Variants in WDTC1 observed in about 807,000 individuals in gnomAD.
WDTC1 encodes the protein WD and tetratricopeptide repeats 1.
A neutral mutation model predicts 76.0 loss-of-function variants in WDTC1; 12 were observed. The ratio of observed to expected loss-of-function variants is 0.16; its 90% CI spans 0.10 to 0.26. The LOEUF is 0.26. Among genes scored for constraint, WDTC1 ranks in the 10% least tolerant of loss-of-function variants. WDTC1 has a pLI of 1.00. For synonymous variants in WDTC1, 326 were observed against 350.8 expected (o/e 0.93, Z 0.79); for missense variants, 511 against 908.8 (o/e 0.56, Z 5.63).
chr1:27,283,318 A>G lies in WDTC1; in HGVS notation c.180-20A>G, dbSNP rs760550885. ...CCTAGGAATTTGAGGAGAGATCACA[A>G]TCCCTCACTCTGCTTTCAGCTTGCT... On this transcript the variant is annotated intron_variant, in intron 4 of 15. Coordinates refer to ENST00000319394, the MANE Select transcript of WDTC1 (RefSeq NM_001276252.2). 9 of 1,611,252 alleles carry G rather than the reference A, an allele frequency of 5.6e-6. No individual in the cohort carries two copies. The Admixed American group carries it at 6.7e-5, about 12-fold the overall frequency.
At chr1:27,270,899 A>AT (rs905690483) in intron 3 of WDTC1, among the ~76,000 whole-genome samples, 53 of 151,850 alleles carry the variant, frequency 3.5e-4, no homozygotes, top group African/African-American at 1.1e-3. Flanking sequence ...GAGCTTTTGA[A>AT]TTTTTTTTTA....
intron 1 of WDTC1, among the ~76,000 whole-genome samples, chr1:27,245,025 T>C (rs896761834): frequency 2.0e-5 from 3 of 149,868 alleles, no homozygotes; most frequent in African/African-American, 7.6e-5. Context: ...GAGAGCAAAA[T>C]GCCTCACTCA....
intron 12 of WDTC1, among the ~76,000 whole-genome samples, chr1:27,298,449 G>A (rs2013747871): frequency 6.6e-6 from 1 of 152,194 alleles, no homozygotes; most frequent in Admixed American, 6.5e-5. Context: ...TTGGAGAATT[G>A]GACTTTGAAG....
intron 3 of WDTC1, among the ~76,000 whole-genome samples, chr1:27,280,664 G>A (rs533035594): frequency 6.6e-6 from 1 of 152,272 alleles, no homozygotes; most frequent in Non-Finnish European, 1.5e-5. Context: ...ATTTTTTGTG[G>A]AGGCTTCATT....
intron 3 of WDTC1, 95 bp from the exon 4 acceptor site, chr1:27,282,144 G>T: frequency 8.2e-7 from 1 of 1,214,274 alleles, no homozygotes; most frequent in South Asian, 1.3e-5. Context: ...AAAATGGAAA[G>T]ACTGGTTTAC....
At chr1:27,239,517 C>CAAA (rs1165446864) in intron 1 of WDTC1, among the ~76,000 whole-genome samples, 55 of 40,490 alleles carry the variant, frequency 1.4e-3, no homozygotes, top group African/African-American at 2.1e-3. Context: ...GACCCTGTCT[C>CAAA]AAAAAAAAAA....
intron 6 of WDTC1, among the ~76,000 whole-genome samples, chr1:27,290,816 G>C (rs528741693): frequency 6.6e-6 from 1 of 152,336 alleles, no homozygotes; most frequent in Non-Finnish European, 1.5e-5. Flanking sequence ...GAATATCTAA[G>C]TCATATATAA....
At chr1:27,257,291 T>C (rs2012315617) in intron 1 of WDTC1, among the ~76,000 whole-genome samples, 1 of 152,224 alleles carries the variant, frequency 6.6e-6, no homozygotes, top group South Asian at 2.1e-4. Flanking sequence ...ATGAGCCTTT[T>C]TCGGGTGAAG....
chr1:27,242,471 T>C (rs573733816), intron 1 of WDTC1, among the ~76,000 whole-genome samples: 51 of 148,396 alleles, frequency 3.4e-4, no homozygotes, highest in African/African-American at 1.3e-3. Context: ...ACCCTGTCTC[T>C]TTTTTTTTTG....
intron 12 of WDTC1, 123 bp downstream of exon 12, chr1:27,298,234 C>T (rs1570986118): frequency 1.6e-6 from 2 of 1,279,406 alleles, no homozygotes; most frequent in East Asian, 5.3e-5. Context: ...GAACATATTG[C>T]TGCCTCTTAG....
chr1:27,279,352 AC>A (rs1265715119), intron 3 of WDTC1, among the ~76,000 whole-genome samples: 1 of 152,114 alleles, frequency 6.6e-6, no homozygotes, highest in East Asian at 1.9e-4. Flanking sequence ...AGCCTGGTCA[AC>A]ATGGCAAAAC....
In WDTC1 at chr1:27,301,364, C is replaced by T. The variant is rs1233121035; in HGVS notation, c.1371C>T (p.Asp457=). Residue 457 remains aspartate, a synonymous_variant, in exon 13 of 16, where the codon GAC becomes GAT. Transcript: ENST00000319394. This position sits in a 1 kb window ranked among gnomAD's most constrained non-coding sequence, Gnocchi z 5.8. ...KYVAEALECL[D]DFKGKFPEQA... is the part of the protein sequence containing the mutation. ...TGGCTGAAGCCCTGGAGTGCCTGGA[C>T]GACTTCAAAGGGAAATTTCCGGAGC... is the stretch of plus-strand genomic sequence containing the variant. The T allele has an allele frequency of 1.7e-5, 28 of 1,614,016 alleles. No individual in the cohort carries two copies. The highest frequency in any genetic ancestry group is 3.3e-5 in the Admixed American group (2 of 60,000).
At chr1:27,239,517 CAAAAAAA>C (rs1165446864) in intron 1 of WDTC1, among the ~76,000 whole-genome samples, 1 of 40,588 alleles carries the variant, frequency 2.5e-5, no homozygotes, top group Non-Finnish European at 4.6e-5. Context: ...GACCCTGTCT[CAAAAAAA>C]AAAAAAAAAA....
At chr1:27,266,105 TG>T (rs2012655698) in intron 3 of WDTC1, among the ~76,000 whole-genome samples, 3 of 152,212 alleles carry the variant, frequency 2.0e-5, no homozygotes, top group Non-Finnish European at 4.4e-5. Context: ...AGCCATGGAA[TG>T]GGATGCCTGA....
chr1:27,242,691 A>C, intron 1 of WDTC1, among the ~76,000 whole-genome samples: 1 of 151,490 alleles, frequency 6.6e-6, no homozygotes, highest in Non-Finnish European at 1.5e-5. Context: ...CTGGCCTCAA[A>C]CTCCTGACCT....
chr1:27,237,245 G>T (rs2011509450), intron 1 of WDTC1, among the ~76,000 whole-genome samples: 1 of 152,118 alleles, frequency 6.6e-6, no homozygotes, highest in Non-Finnish European at 1.5e-5. Flanking sequence ...TAGTAGCTGG[G>T]ACTACAGACA....
Position 27,303,828 on chromosome 1 carries a change from G to T in WDTC1, c.1643+33G>T, listed in dbSNP as rs542460794. The T allele has an allele frequency of 1.9e-6, 3 of 1,608,460 alleles. No individual in the cohort carries two copies. Among genetic ancestry groups the T allele is most frequent in the Admixed American group, 1.7e-5 (1 of 58,532 alleles). Reference sequence around the variant, plus strand: ...GCCCTGAAGAGGAGGGTGCAGCCCAGTTGGCAGCGGGAGGTTGAGTGGGGA... The same window carrying T: ...GCCCTGAAGAGGAGGGTGCAGCCCATTTGGCAGCGGGAGGTTGAGTGGGGA... On this transcript the variant is annotated intron_variant, in intron 14 of 15. Transcript: ENST00000319394. The surrounding 1 kb of genome is among the most constrained non-coding windows in gnomAD (Gnocchi z 4.8).
At position 27,308,533 on chromosome 1, in the gene WDTC1, T is replaced by C. The variant is rs2014009664; in HGVS notation, c.*2150T>C. On this transcript the variant is annotated 3_prime_UTR_variant, in exon 16 of 16. Transcript: ENST00000319394. ...TAGTGGTTTTTCAAACCATTTTACA[T>C]TGTGACCCAATATACACATGATTAC... 1.3e-5 allele frequency: 2 copies of C among 152,214 alleles called. No homozygotes were observed. Among genetic ancestry groups the C allele is most frequent in the South Asian group, 2.1e-4 (1 of 4,832 alleles). 9.4% of individuals were successfully genotyped at this position (152,214 alleles called of 1,614,324 possible). A position where few individuals can be genotyped will look rare whatever the true frequency, so the allele number is the denominator to read the frequency against.
intron 1 of WDTC1, among the ~76,000 whole-genome samples, chr1:27,257,311 C>A (rs140573663): frequency 6.6e-6 from 1 of 152,036 alleles, no homozygotes; most frequent in African/African-American, 2.4e-5. Context: ...GCGTACGTAA[C>A]CCCGTCAGTG....
Sources: allele counts gnomAD v4.1 joint callset (sites outside exome capture counted in the v4.1 genomes callset), GRCh38; gene constraint gnomAD v4.1.1; non-coding constraint Gnocchi (gnomAD v3.1); transcripts MANE v1.5; gene names NCBI Gene and HGNC (gene_info 2026-07-23, HGNC 2026-07-21).